Variants in ME3 observed in about 807,000 individuals in gnomAD.
ME3 encodes malic enzyme 3.
In ME3, 48 loss-of-function variants were observed where a neutral mutation model predicts 68.9. The observed-to-expected ratio is 0.70, with a 90% CI of 0.55 to 0.89. The LOEUF (loss-of-function observed/expected upper bound fraction) is 0.89, where lower values mean the gene tolerates loss of function less well. Ranked by LOEUF, ME3 falls within the 40% of genes least tolerant of loss-of-function variation. The probability of loss-of-function intolerance (pLI) is 0.00; values close to 1 mark genes in which losing one functional copy is unlikely to be tolerated. For missense variants in ME3, 675 were observed against 797.4 expected (o/e 0.85, Z 1.85); for synonymous variants, 320 against 318.8 (o/e 1.00, Z -0.04).
At chr11:86,538,913 C>T (rs1260596094) in intron 4 of ME3, among the ~76,000 whole-genome samples, 1 of 152,174 alleles carries the variant, frequency 6.6e-6, no homozygotes, top group Non-Finnish European at 1.5e-5. Flanking sequence ...ATGAGGAAAG[C>T]TTTTCCCAGA....
intron 8 of ME3, among the ~76,000 whole-genome samples, chr11:86,452,130 A>T (rs1949665815): frequency 1.3e-5 from 2 of 152,210 alleles, no homozygotes; most frequent in Non-Finnish European, 2.9e-5. Context: ...TTCACCTAAT[A>T]ACCCACGTAC....
chr11:86,549,958 A>G (rs1956583874), intron 4 of ME3, among the ~76,000 whole-genome samples: 1 of 152,198 alleles, frequency 6.6e-6, no homozygotes, highest in South Asian at 2.1e-4. Flanking sequence ...GCTGGAAAAT[A>G]CGGGATGCAG....
Position 86,547,256 on chromosome 11 carries a change from A to G in ME3, c.467+9297T>C, listed in dbSNP as rs549965459. On this transcript the variant is annotated intron_variant, in intron 4 of 14. Transcript: ENST00000543262. ...CTCCATCTCAAAAAAAAAAAAAAAA[A>G]AAAAGAAAATGTGGCACATATGCAC... is the stretch of plus-strand genomic sequence containing the variant. Among the ~76,000 whole-genome samples the G allele has an allele frequency of 8.6e-3, 1,310 of 151,564 alleles. 17 individuals carry two copies. The highest frequency in any genetic ancestry group is 0.027 in the African/African-American group (1,114 of 41,216).
chr11:86,437,508 C>G (rs1301952241), downstream of ME3, among the ~76,000 whole-genome samples: 2 of 151,244 alleles, frequency 1.3e-5, no homozygotes, highest in African/African-American at 4.9e-5. Context: ...CCAAAAAACC[C>G]TACAATGGTT....
Position 86,618,268 on chromosome 11 carries a change from C to G in ME3, c.183+53494G>C, listed in dbSNP as rs1226437870. On this transcript the variant is annotated intron_variant, in intron 2 of 14. Coordinates refer to ENST00000543262, the Ensembl canonical transcript of ME3. Reference sequence around the variant, plus strand: ...TGAGCTGAGATTGCGCCACTGCACCCCTGCCTGGGCGACAGAGCAAGGCTC... The same window carrying G: ...TGAGCTGAGATTGCGCCACTGCACCGCTGCCTGGGCGACAGAGCAAGGCTC... Among the ~76,000 whole-genome samples the G allele has an allele frequency of 2.0e-4, 25 of 126,556 alleles. No homozygotes were observed. In the Admixed American group the frequency reaches 2.5e-3, roughly 12 times the overall value. 83.0% of individuals were successfully genotyped at this position (126,556 alleles called of 152,430 possible).
intron 8 of ME3, among the ~76,000 whole-genome samples, chr11:86,458,872 A>G (rs1950086610): frequency 6.6e-6 from 1 of 152,116 alleles, no homozygotes; most frequent in Admixed American, 6.5e-5. Context: ...CCTCTTCCCT[A>G]TTGTGGCATC....
At chr11:86,563,628 TG>T (rs1398935788) in intron 2 of ME3, among the ~76,000 whole-genome samples, 2 of 152,166 alleles carry the variant, frequency 1.3e-5, no homozygotes, top group Non-Finnish European at 2.9e-5. Flanking sequence ...TTTTTATATA[TG>T]GTAAAACGAA....
At chr11:86,668,576 A>T (rs1196398615) in intron 2 of ME3, among the ~76,000 whole-genome samples, 2 of 152,192 alleles carry the variant, frequency 1.3e-5, no homozygotes, top group Admixed American at 6.5e-5. Flanking sequence ...GTCTCCTATG[A>T]TCCTCAAAGC....
intron 2 of ME3, among the ~76,000 whole-genome samples, chr11:86,593,967 A>G (rs1959176177): frequency 6.8e-6 from 1 of 146,604 alleles, no homozygotes; most frequent in African/African-American, 2.5e-5. Flanking sequence ...AGATTGAACT[A>G]TAAGTGTACT....
intron 2 of ME3, among the ~76,000 whole-genome samples, chr11:86,644,122 A>G (rs1001363562): frequency 2.6e-5 from 4 of 152,190 alleles, no homozygotes; most frequent in Admixed American, 6.5e-5. Flanking sequence ...CGGAACATAC[A>G]GACTGGGTTC....
chr11:86,513,838 A>G (rs1953705921), intron 4 of ME3, among the ~76,000 whole-genome samples: 1 of 152,152 alleles, frequency 6.6e-6, no homozygotes. Context: ...TGACCTCAGC[A>G]ATGTATTTAC....
At chr11:86,540,440 G>A (rs1201028362) in intron 4 of ME3, among the ~76,000 whole-genome samples, 1 of 152,062 alleles carries the variant, frequency 6.6e-6, no homozygotes, top group Non-Finnish European at 1.5e-5. Context: ...CTTGAACCTG[G>A]TGCCACCCCC....
chr11:86,615,877 G>C (rs1942923057), intron 2 of ME3, among the ~76,000 whole-genome samples: 1 of 152,082 alleles, frequency 6.6e-6, no homozygotes, highest in Admixed American at 6.6e-5. Context: ...TGATTTCAGA[G>C]CATACTTCTT....
intron 3 of ME3, among the ~76,000 whole-genome samples, chr11:86,556,949 A>G (rs1176186046): frequency 3.3e-5 from 5 of 152,128 alleles, no homozygotes; most frequent in Admixed American, 3.3e-4. Flanking sequence ...TAAAACTTCC[A>G]ATGGCTTGTG....
intron 6 of ME3, among the ~76,000 whole-genome samples, chr11:86,492,663 A>C (rs1173085304): frequency 6.6e-6 from 1 of 152,232 alleles, no homozygotes; most frequent in African/African-American, 2.4e-5. Context: ...AAAGTGGGTG[A>C]AGCAGAACTT....
rs567865688 is a variant in ME3, at chr11:86,654,736, G to A, written c.183+17026C>T. Among the ~76,000 whole-genome samples the A allele has an allele frequency of 2.6e-5, 4 of 152,318 alleles. No individual in the cohort carries two copies. The South Asian group carries it at 8.3e-4, about 32-fold the overall frequency. On this transcript the variant is annotated intron_variant, in intron 2 of 14. Coordinates refer to ENST00000543262, the Ensembl canonical transcript of ME3. ...ACTCCTATTCAACATAGTGTTGGAA[G>A]TTCTGGCCAGGGCAATCAGGCAGGA...
intron 5 of ME3, among the ~76,000 whole-genome samples, chr11:86,507,218 A>G (rs905422198): frequency 5.9e-5 from 9 of 152,152 alleles, no homozygotes; most frequent in African/African-American, 2.2e-4. Flanking sequence ...GGGCTCAGGG[A>G]ATGGGCAGGG....
chr11:86,508,680 G>A, intron 5 of ME3, 112 bp downstream of exon 5: 1 of 938,432 alleles, frequency 1.1e-6, no homozygotes, highest in Non-Finnish European at 1.7e-6. Context: ...ATGGGAGGTA[G>A]TATGCTGCCT....
chr11:86,498,180 T>C, intron 5 of ME3, 56 bp from the exon 6 acceptor site: 2 of 1,549,516 alleles, frequency 1.3e-6, no homozygotes, highest in South Asian at 1.2e-5. Flanking sequence ...GACAGGGTGC[T>C]CATTTTAGCA....
Sources: gnomAD v4.1 joint callset for allele counts (sites outside exome capture counted in the v4.1 genomes callset) on GRCh38, gnomAD v4.1.1 for gene constraint, MANE v1.5 for transcripts, NCBI Gene and HGNC (gene_info 2026-07-23, HGNC 2026-07-21) for gene names.